ZCCHC2: variants seen among roughly 807,000 people sequenced by gnomAD.
The protein encoded by ZCCHC2 is zinc finger CCHC-type containing 2, also known as zinc finger CCHC domain-containing protein 2.
In ZCCHC2, 39 loss-of-function variants were observed where a neutral mutation model predicts 103.6. The ratio of observed to expected loss-of-function variants is 0.38; its 90% confidence interval spans 0.29 to 0.49. The LOEUF (loss-of-function observed/expected upper bound fraction) is 0.49, where lower values mean the gene tolerates loss of function less well. Among genes scored for constraint, ZCCHC2 ranks in the 20% least tolerant of loss-of-function variants. ZCCHC2 has a pLI of 0.96. For missense variants in ZCCHC2, 1,483 were observed against 1,491.0 expected, an observed-to-expected ratio of 0.99 and a Z score of 0.09; for synonymous variants, 687 against 608.9, an observed-to-expected ratio of 1.13 and a Z score of -1.89.
In ZCCHC2 at chr18:62,539,743, A is replaced by G. The variant is rs376347656; in HGVS notation, c.1002A>G (p.Pro334=). 48 of 1,608,464 alleles carry G rather than the reference A, an allele frequency of 3.0e-5. No individual in the cohort carries two copies. In the African/African-American group the frequency reaches 5.2e-4, roughly 17 times the overall value. ...AGAGCAGCTTAATAGAGCAAGCTCC[A>G]ATACCTCAGGACGGACTTACCGTGG... ...NNESSLIEQA[P]IPQDGLTVAP... is the part of the protein sequence containing the mutation. Residue 334 remains proline (P), a synonymous_variant, in exon 2 of 14, where the codon CCA becomes CCG. Coordinates refer to ENST00000269499, the MANE Select transcript of ZCCHC2 (RefSeq NM_017742.6).
chr18:62,579,161 C>T (rs577524423), downstream of ZCCHC2, among the ~76,000 whole-genome samples: 2 of 152,328 alleles, frequency 1.3e-5, no homozygotes, highest in Non-Finnish European at 2.9e-5. Context: ...GCGTGCCAAA[C>T]ACTATGGTAG....
At chr18:62,528,579 A>G (rs542457818) in intron 1 of ZCCHC2, among the ~76,000 whole-genome samples, 1,158 of 92,486 alleles carry the variant, frequency 0.013, 13 homozygotes, top group African/African-American at 0.052. Flanking sequence ...AGCCTGGGCG[A>G]CAGAGTGAGA....
chr18:62,571,179 G>A (rs970302295), intron 12 of ZCCHC2, among the ~76,000 whole-genome samples: 9 of 150,516 alleles, frequency 6.0e-5, no homozygotes, highest in Non-Finnish European at 1.3e-4. Flanking sequence ...GCGGGTAAGA[G>A]GCTGTAACAC....
At position 62,524,065 on chromosome 18, in the gene ZCCHC2, G is replaced by A; in HGVS notation, c.641G>A (p.Arg214Gln). 1.3e-6 allele frequency: 2 copies of A among 1,486,228 alleles called. No individual in the cohort carries two copies. Among genetic ancestry groups the A allele is most frequent in the South Asian group, 1.3e-5 (1 of 75,940 alleles). 92.1% of individuals were successfully genotyped at this position (1,486,228 alleles called of 1,614,324 possible). A position where few individuals can be genotyped will look rare whatever the true frequency, so the allele number is the denominator to read the frequency against. The change falls in exon 1 of 14, where the codon CGG (arginine) becomes CAG (glutamine). Residue 214 changes from arginine to glutamine, a missense_variant. By Grantham distance (43) the Arg-to-Gln change is conservative (BLOSUM62 1). Around this residue, in one of 3 missense-constraint regions of ZCCHC2, gnomAD observed 568 missense variants for 525.1 expected, o/e 1.08. Coordinates refer to ENST00000269499, the MANE Select transcript of ZCCHC2 (RefSeq NM_017742.6). ...SLRAARGEGS[R>Q]GGAEDERGED... is the part of the protein sequence containing the mutation. Reference sequence around the variant, plus strand: ...CGCGCGGCCCGGGGCGAGGGCTCGCGGGGCGGCGCGGAGGACGAGCGCGGC... The same window carrying A: ...CGCGCGGCCCGGGGCGAGGGCTCGCAGGGCGGCGCGGAGGACGAGCGCGGC...
chr18:62,527,186 A>C (rs1262615361), intron 1 of ZCCHC2, among the ~76,000 whole-genome samples: 2 of 151,964 alleles, frequency 1.3e-5, no homozygotes, highest in Non-Finnish European at 2.9e-5. Context: ...TTTTCTATTA[A>C]AGTAAGGGTA....
chr18:62,573,505 A>C (rs1916671707), intron 12 of ZCCHC2, among the ~76,000 whole-genome samples: 1 of 152,084 alleles, frequency 6.6e-6, no homozygotes. Context: ...AATAGCTTTA[A>C]ATTTTCTTCC....
At chr18:62,545,866 A>G (rs1915386083) in intron 4 of ZCCHC2, among the ~76,000 whole-genome samples, 1 of 152,216 alleles carries the variant, frequency 6.6e-6, no homozygotes, top group Non-Finnish European at 1.5e-5. Context: ...TCTTAAATCT[A>G]TGAGAGACTT....
At chr18:62,564,030 C>T (rs567568911) in intron 9 of ZCCHC2, among the ~76,000 whole-genome samples, 4 of 152,256 alleles carry the variant, frequency 2.6e-5, no homozygotes, top group East Asian at 1.9e-4. Flanking sequence ...TTCATTAACC[C>T]GATGTTGTCC....
intron 11 of ZCCHC2, 90 bp from the exon 12 acceptor site, chr18:62,570,013 T>C: frequency 7.6e-7 from 1 of 1,313,480 alleles, no homozygotes; most frequent in Non-Finnish European, 1.0e-6. Context: ...CTGAAGAAAA[T>C]ATAGCTAAAA....
chr18:62,530,061 G>A (rs1914615835), intron 1 of ZCCHC2, among the ~76,000 whole-genome samples: 1 of 152,130 alleles, frequency 6.6e-6, no homozygotes, highest in Non-Finnish European at 1.5e-5. Flanking sequence ...TATCCAGACT[G>A]GAGCACTCTT....
At chr18:62,566,887 G>A (rs1475182747) in intron 11 of ZCCHC2, among the ~76,000 whole-genome samples, 1 of 152,182 alleles carries the variant, frequency 6.6e-6, no homozygotes, top group Non-Finnish European at 1.5e-5. Flanking sequence ...CAGCAATTTA[G>A]TTCCTTTTCC....
chr18:62,557,651 C>G (rs1326901672), intron 6 of ZCCHC2, among the ~76,000 whole-genome samples: 1 of 152,190 alleles, frequency 6.6e-6, no homozygotes, highest in African/African-American at 2.4e-5. Context: ...TCAGTGCTTT[C>G]CCCCTGCGCC....
intron 13 of ZCCHC2, 52 bp downstream of exon 13, chr18:62,575,602 T>G: frequency 1.3e-6 from 2 of 1,553,818 alleles, no homozygotes; most frequent in Non-Finnish European, 1.8e-6. Flanking sequence ...TCATTTCTCC[T>G]TCCTTTCCTT....
chr18:62,566,095 ATTAG>A (rs1476145836), intron 11 of ZCCHC2, among the ~76,000 whole-genome samples: 2 of 152,112 alleles, frequency 1.3e-5, no homozygotes, highest in African/African-American at 2.4e-5. Context: ...AAATACGAAA[ATTAG>A]CCAGGCGTGG....
intron 1 of ZCCHC2, among the ~76,000 whole-genome samples, chr18:62,528,888 C>T (rs189866061): frequency 6.6e-6 from 1 of 152,158 alleles, no homozygotes; most frequent in East Asian, 1.9e-4. Flanking sequence ...TGGCCAGGCG[C>T]AGTGGCTCAC....
At position 62,564,275 on chromosome 18, in the gene ZCCHC2, C is replaced by T. The variant is rs543785179; in HGVS notation, c.1687-296C>T. ...GTACTTGAAGAGAATAGTAGTAAAC[C>T]TACAGCAAGTGCCAGTCACTTGATT... On this transcript the variant is annotated intron_variant, in intron 9 of 13. Coordinates refer to ENST00000269499, the MANE Select transcript of ZCCHC2 (RefSeq NM_017742.6). Among the ~76,000 whole-genome samples the T allele has an allele frequency of 2.6e-5, 4 of 152,200 alleles. No homozygotes were observed. The East Asian group carries it at 5.8e-4, about 22-fold the overall frequency.
intron 12 of ZCCHC2, among the ~76,000 whole-genome samples, chr18:62,570,981 G>A (rs918961249): frequency 6.6e-6 from 1 of 152,244 alleles, no homozygotes; most frequent in African/African-American, 2.4e-5. Context: ...GTAACTATAG[G>A]CATGAGCAAA....
At chr18:62,528,095 A>G (rs998886206) in intron 1 of ZCCHC2, among the ~76,000 whole-genome samples, 2 of 152,238 alleles carry the variant, frequency 1.3e-5, no homozygotes, top group African/African-American at 2.4e-5. Flanking sequence ...AGATTGTGTC[A>G]CCAAGATCTT....
intron 2 of ZCCHC2, 96 bp from the exon 3 acceptor site, chr18:62,542,402 T>C: frequency 1.2e-6 from 1 of 820,334 alleles, no homozygotes; most frequent in Non-Finnish European, 1.9e-6. Context: ...GTAGCTTAAT[T>C]GTTAAGCACT....
Sources: allele counts gnomAD v4.1 joint callset (sites outside exome capture counted in the v4.1 genomes callset), GRCh38; gene constraint gnomAD v4.1.1; regional missense constraint gnomAD v4.1.1; transcripts MANE v1.5; gene names NCBI Gene and HGNC (gene_info 2026-07-23, HGNC 2026-07-21).